LRMDA: variants seen among roughly 807,000 people sequenced by gnomAD.
The protein encoded by LRMDA is leucine rich melanocyte differentiation associated, also known as leucine-rich melanocyte differentiation-associated protein.
A neutral mutation model predicts 29.8 loss-of-function variants in LRMDA; 18 were observed. That is an observed-to-expected ratio of 0.60 (90% CI 0.42 to 0.90). The LOEUF is 0.90. Among genes scored for constraint, LRMDA ranks in the 40% least tolerant of loss-of-function variants. The pLI, the probability that LRMDA is intolerant of heterozygous loss-of-function variation, is 0.00. For missense variants in LRMDA, 273 were observed against 273.9 expected (o/e 1.00, Z 0.02); for synonymous variants, 125 against 109.4 (o/e 1.14, Z -0.89).
chr10:76,472,047 G>A (rs544895176), intron 6 of LRMDA, among the ~76,000 whole-genome samples: 35 of 151,708 alleles, frequency 2.3e-4, no homozygotes, highest in African/African-American at 8.2e-4. Flanking sequence ...GGAAATAGAA[G>A]ACTTGGACAA....
At chr10:76,035,778 T>C (rs1848231329) in intron 2 of LRMDA, among the ~76,000 whole-genome samples, 1 of 152,270 alleles carries the variant, frequency 6.6e-6, no homozygotes, top group East Asian at 1.9e-4. Flanking sequence ...GTGACCCTCA[T>C]CCTTCATGTT....
intron 6 of LRMDA, among the ~76,000 whole-genome samples, chr10:76,404,691 C>A (rs1026633827): frequency 5.9e-5 from 9 of 152,160 alleles, no homozygotes; most frequent in African/African-American, 2.2e-4. Context: ...CCAAAGTCTC[C>A]TTCTCATTGA....
At chr10:75,437,313 C>T (rs1043141303) in intron 1 of LRMDA, among the ~76,000 whole-genome samples, 2 of 152,216 alleles carry the variant, frequency 1.3e-5, no homozygotes, top group Non-Finnish European at 2.9e-5. Flanking sequence ...CATGAGGAAA[C>T]ACCCTCCTGG....
intron 5 of LRMDA, among the ~76,000 whole-genome samples, chr10:76,317,368 A>G (rs1840712846): frequency 6.6e-6 from 1 of 151,974 alleles, no homozygotes; most frequent in African/African-American, 2.4e-5. Context: ...TTTTTCCTCA[A>G]CTCGTATTTT....
chr10:75,436,609 A>G (rs543961942), intron 1 of LRMDA, among the ~76,000 whole-genome samples: 43 of 152,110 alleles, frequency 2.8e-4, no homozygotes, highest in Non-Finnish European at 5.1e-4. Context: ...CTGGGACTAC[A>G]GGCACTCCCC....
chr10:76,286,315 G>A (rs1220647476), intron 5 of LRMDA, among the ~76,000 whole-genome samples: 1 of 152,168 alleles, frequency 6.6e-6, no homozygotes, highest in Admixed American at 6.5e-5. Flanking sequence ...AGCACATTGG[G>A]CTGGAAATCA....
intron 2 of LRMDA, among the ~76,000 whole-genome samples, chr10:75,543,967 C>T (rs557122956): frequency 7.7e-4 from 117 of 152,262 alleles, no homozygotes; most frequent in Middle Eastern, 6.8e-3. Context: ...CTTGTGCTTT[C>T]TGGCATGTTT....
At chr10:75,565,637 T>G (rs1184314967) in intron 2 of LRMDA, among the ~76,000 whole-genome samples, 1 of 152,172 alleles carries the variant, frequency 6.6e-6, no homozygotes, top group African/African-American at 2.4e-5. Context: ...CTAGAAGGAA[T>G]GGGGCTAACA....
At chr10:76,394,956 GT>G (rs1841765805) in intron 6 of LRMDA, among the ~76,000 whole-genome samples, 1 of 152,148 alleles carries the variant, frequency 6.6e-6, no homozygotes, top group South Asian at 2.1e-4. Flanking sequence ...CAAAAGAGAT[GT>G]GATCCCTCTC....
At chr10:76,407,522 G>C (rs537119870) in intron 6 of LRMDA, among the ~76,000 whole-genome samples, 1 of 152,264 alleles carries the variant, frequency 6.6e-6, no homozygotes, top group South Asian at 2.1e-4. Flanking sequence ...CTTGAGATTT[G>C]ATGAATTAGA....
intron 2 of LRMDA, among the ~76,000 whole-genome samples, chr10:75,998,884 G>C (rs1284296990): frequency 6.6e-6 from 1 of 152,202 alleles, no homozygotes; most frequent in Admixed American, 6.5e-5. Context: ...GACCTTGGCT[G>C]TTCCCTCCCC....
At chr10:75,589,458 T>C (rs1031280103) in intron 2 of LRMDA, among the ~76,000 whole-genome samples, 6 of 152,206 alleles carry the variant, frequency 3.9e-5, no homozygotes, top group African/African-American at 1.4e-4. Flanking sequence ...TTTGTCTTTC[T>C]AAAATTGTTT....
chr10:76,047,141 C>G, intron 3 of LRMDA, 23 bp from the exon 4 acceptor site: 1 of 1,613,424 alleles, frequency 6.2e-7, no homozygotes, highest in South Asian at 1.1e-5. Flanking sequence ...TCTTACTGGA[C>G]CAAGATTCTT....
At chr10:75,916,260 TC>T (rs932638896) in intron 2 of LRMDA, among the ~76,000 whole-genome samples, 2 of 151,922 alleles carry the variant, frequency 1.3e-5, no homozygotes, top group African/African-American at 4.8e-5. Context: ...AGGATGCTGC[TC>T]CTGCAAGCAC....
intron 2 of LRMDA, among the ~76,000 whole-genome samples, chr10:75,993,799 C>A (rs1847412422): frequency 6.6e-6 from 1 of 151,968 alleles, no homozygotes; most frequent in Admixed American, 6.6e-5. Context: ...CGTGGTGGAG[C>A]TGGCCTGAGA....
intron 2 of LRMDA, among the ~76,000 whole-genome samples, chr10:75,440,879 T>C (rs759468072): frequency 7.9e-5 from 12 of 151,990 alleles, no homozygotes; most frequent in Non-Finnish European, 1.6e-4. Flanking sequence ...CTACTAAAAA[T>C]GCAAAAAATT....
chr10:76,210,077 A>C (rs1851608872), intron 5 of LRMDA, among the ~76,000 whole-genome samples: 1 of 152,228 alleles, frequency 6.6e-6, no homozygotes, highest in Non-Finnish European at 1.5e-5. Flanking sequence ...ACCGGGAATG[A>C]GACAGGCAGA....
intron 2 of LRMDA, among the ~76,000 whole-genome samples, chr10:75,673,361 AG>A (rs1428366950): frequency 6.6e-6 from 1 of 152,216 alleles, no homozygotes; most frequent in African/African-American, 2.4e-5. Context: ...GAGACCTTAG[AG>A]GTCACCTGAA....
At chr10:75,748,686 G>A (rs570805351) in intron 2 of LRMDA, among the ~76,000 whole-genome samples, 2 of 152,172 alleles carry the variant, frequency 1.3e-5, no homozygotes, top group African/African-American at 4.8e-5. Flanking sequence ...AGGCTGGGAG[G>A]TGCATCCCAT....
Sources: allele counts gnomAD v4.1 joint callset (sites outside exome capture counted in the v4.1 genomes callset), GRCh38; gene constraint gnomAD v4.1.1; transcripts MANE v1.5; gene names NCBI Gene and HGNC (gene_info 2026-07-23, HGNC 2026-07-21).